The following ETV6 variants were observed in gnomAD, a reference collection of about 807,000 sequenced individuals.
The protein encoded by ETV6 is ETS variant transcription factor 6.
In ETV6, 16 loss-of-function variants were observed where a neutral mutation model predicts 51.1. The observed-to-expected ratio is 0.31, with a 90% CI of 0.21 to 0.48. The LOEUF is 0.48. Among genes scored for constraint, ETV6 ranks in the 20% least tolerant of loss-of-function variants. The probability of loss-of-function intolerance (pLI) is 0.99; values close to 1 mark genes in which losing one functional copy is unlikely to be tolerated. For missense variants in ETV6, 458 were observed against 594.8 expected (o/e 0.77, Z 2.39); for synonymous variants, 240 against 224.1 (o/e 1.07, Z -0.64).
intron 7 of ETV6, among the ~76,000 whole-genome samples, chr12:11,887,433 C>A (rs1388926340): frequency 1.3e-5 from 2 of 152,146 alleles, no homozygotes; most frequent in Non-Finnish European, 2.9e-5. Context: ...ATCTTCAAAA[C>A]AGACACTTGT....
At chr12:11,833,452 G>A (rs1488806926) in intron 2 of ETV6, among the ~76,000 whole-genome samples, 1 of 152,030 alleles carries the variant, frequency 6.6e-6, no homozygotes, top group Non-Finnish European at 1.5e-5. Context: ...CCTGCATGCT[G>A]AACTACCGTG....
At chr12:11,854,396 G>A (rs1009532938) in intron 4 of ETV6, among the ~76,000 whole-genome samples, 17 of 152,166 alleles carry the variant, frequency 1.1e-4, no homozygotes, top group African/African-American at 4.1e-4. Context: ...GTGACCTGGA[G>A]GTTGGGGACC....
At chr12:11,684,693 C>G (rs1281676031) in intron 1 of ETV6, among the ~76,000 whole-genome samples, 3 of 152,116 alleles carry the variant, frequency 2.0e-5, no homozygotes, top group Non-Finnish European at 2.9e-5. Context: ...CTTTAACAGA[C>G]TTAAAAACCA....
Position 11,757,033 on chromosome 12 carries a change from C to T in ETV6, c.163+4454C>T, listed in dbSNP as rs925782719. ...TGTGAATTATATTTAAAAATCGGAACGTAGGACTCATTCATCATATTTAAT... is the reference window on the plus strand; with the variant it reads ...TGTGAATTATATTTAAAAATCGGAATGTAGGACTCATTCATCATATTTAAT... On this transcript the variant is annotated intron_variant, in intron 2 of 7. Coordinates refer to ENST00000396373, the MANE Select transcript of ETV6 (RefSeq NM_001987.5). Among the ~76,000 whole-genome samples, 7 of 152,194 alleles carry T rather than the reference C, an allele frequency of 4.6e-5. No homozygotes were observed. The South Asian group carries it at 6.2e-4, about 14-fold the overall frequency.
chr12:11,656,644 CTTG>C (rs1864003695), intron 1 of ETV6, among the ~76,000 whole-genome samples: 1 of 152,126 alleles, frequency 6.6e-6, no homozygotes, highest in Non-Finnish European at 1.5e-5. Flanking sequence ...ATTTTGGGCC[CTTG>C]TTGTTTTTCT....
At chr12:11,670,997 G>T (rs1278279957) in intron 1 of ETV6, among the ~76,000 whole-genome samples, 1 of 152,084 alleles carries the variant, frequency 6.6e-6, no homozygotes, top group Non-Finnish European at 1.5e-5. Flanking sequence ...TTCCTTAACT[G>T]TCCTGCCCCA....
intron 3 of ETV6, among the ~76,000 whole-genome samples, chr12:11,849,157 C>A (rs1420049262): frequency 6.6e-6 from 1 of 152,156 alleles, no homozygotes; most frequent in Non-Finnish European, 1.5e-5. Context: ...CTCATGCAGG[C>A]TGGAGTGCAG....
At chr12:11,750,615 G>A (rs530419566) in intron 1 of ETV6, among the ~76,000 whole-genome samples, 2 of 152,220 alleles carry the variant, frequency 1.3e-5, no homozygotes, top group South Asian at 2.1e-4. Flanking sequence ...AGCTATTTCC[G>A]AGAATAAAGT....
chr12:11,791,705 A>T (rs1945596249), intron 2 of ETV6, among the ~76,000 whole-genome samples: 1 of 152,256 alleles, frequency 6.6e-6, no homozygotes, highest in Admixed American at 6.5e-5. Flanking sequence ...TAAAGACATC[A>T]ATATGTGAAT....
chr12:11,863,229 G>T (rs1946740902), intron 4 of ETV6, among the ~76,000 whole-genome samples: 1 of 152,086 alleles, frequency 6.6e-6, no homozygotes, highest in Non-Finnish European at 1.5e-5. Context: ...TGGTTAAATT[G>T]GGTCAAATTT....
At chr12:11,714,002 G>T (rs1469235410) in intron 1 of ETV6, among the ~76,000 whole-genome samples, 1 of 152,194 alleles carries the variant, frequency 6.6e-6, no homozygotes, top group Non-Finnish European at 1.5e-5. Flanking sequence ...TTATTTGAAA[G>T]CTGAGTCCAA....
intron 2 of ETV6, among the ~76,000 whole-genome samples, chr12:11,786,293 T>C (rs985785516): frequency 6.6e-6 from 1 of 151,942 alleles, no homozygotes; most frequent in Non-Finnish European, 1.5e-5. Context: ...TGCAATATTT[T>C]CTCTACCACA....
chr12:11,819,231 C>T (rs1466730618), intron 2 of ETV6, among the ~76,000 whole-genome samples: 2 of 152,170 alleles, frequency 1.3e-5, no homozygotes, highest in Non-Finnish European at 2.9e-5. Flanking sequence ...GCCTGCTGCC[C>T]CTCTGCCCTG....
intron 1 of ETV6, among the ~76,000 whole-genome samples, chr12:11,697,778 C>T (rs1864905488): frequency 6.6e-6 from 1 of 152,142 alleles, no homozygotes; most frequent in East Asian, 1.9e-4. Context: ...TTTCCTATCT[C>T]CTGGTTTGGA....
chr12:11,882,433 A>G (rs1350216664), intron 5 of ETV6, among the ~76,000 whole-genome samples: 1 of 152,180 alleles, frequency 6.6e-6, no homozygotes, highest in Non-Finnish European at 1.5e-5. Flanking sequence ...ACAGCCAAGA[A>G]TCCTGTGTGT....
intron 2 of ETV6, among the ~76,000 whole-genome samples, chr12:11,787,910 A>G (rs562451213): frequency 6.6e-6 from 1 of 152,236 alleles, no homozygotes; most frequent in Non-Finnish European, 1.5e-5. Flanking sequence ...AAACCTCCCT[A>G]TAGAAGACCC....
chr12:11,858,741 G>A (rs2136506412), intron 4 of ETV6, among the ~76,000 whole-genome samples: 1 of 152,308 alleles, frequency 6.6e-6, no homozygotes, highest in South Asian at 2.1e-4. Context: ...GGCTGAGATT[G>A]TTTCTGTAGC....
chr12:11,755,361 C>T (rs921065516), intron 2 of ETV6, among the ~76,000 whole-genome samples: 3 of 152,180 alleles, frequency 2.0e-5, no homozygotes, highest in African/African-American at 7.2e-5. Flanking sequence ...GCCTGAATGC[C>T]TACTCTATGG....
chr12:11,735,734 G>A (rs1007401240), intron 1 of ETV6, among the ~76,000 whole-genome samples: 7 of 152,184 alleles, frequency 4.6e-5, no homozygotes, highest in African/African-American at 9.7e-5. Flanking sequence ...GAGTAGCTGG[G>A]ATTACAGGCG....
Sources: gnomAD v4.1 joint callset for allele counts (sites outside exome capture counted in the v4.1 genomes callset) on GRCh38, gnomAD v4.1.1 for gene constraint, MANE v1.5 for transcripts, NCBI Gene and HGNC (gene_info 2026-07-23, HGNC 2026-07-21) for gene names.